BRF1: variants seen among roughly 807,000 people sequenced by gnomAD.
The protein encoded by BRF1 is transcription factor IIIB 90 kDa subunit.
BRF1 carries 59 observed loss-of-function variants against 81.7 expected under a neutral mutation model. The observed-to-expected ratio is 0.72, with a 90% CI of 0.59 to 0.90. The LOEUF (loss-of-function observed/expected upper bound fraction) is 0.90, where lower values mean the gene tolerates loss of function less well. BRF1 is among the 40% of genes least tolerant of loss of function. BRF1 has a pLI of 0.00. For synonymous variants in BRF1, 491 were observed against 395.6 expected (o/e 1.24, Z -2.86); for missense variants, 1,050 against 936.3 (o/e 1.12, Z -1.58).
chr14:105,254,408 C>G (rs2055765500), intron 4 of BRF1, among the ~76,000 whole-genome samples: 1 of 152,092 alleles, frequency 6.6e-6, no homozygotes, highest in Non-Finnish European at 1.5e-5. Flanking sequence ...AGGCGCCCAC[C>G]ACCACGCCCA....
chr14:105,274,823 GC>G (rs2140419148), intron 2 of BRF1, among the ~76,000 whole-genome samples: 1 of 152,296 alleles, frequency 6.6e-6, no homozygotes, highest in South Asian at 2.1e-4. Context: ...CAACTTTACT[GC>G]CCCCACTTCT....
In BRF1 at chr14:105,271,918, G is replaced by A. The variant is rs1316429040; in HGVS notation, c.439+803C>T. ...ACCGCTGAGGGTCGGCGGCCTCCCC[G>A]CCCACCGCCTGCAGTCACGGTGTCC... is the stretch of plus-strand genomic sequence containing the variant. On this transcript the variant is annotated intron_variant, in intron 3 of 17. Coordinates refer to ENST00000547530, the MANE Select transcript of BRF1 (RefSeq NM_001519.4). This position sits in a 1 kb window ranked among gnomAD's most constrained non-coding sequence, Gnocchi z 5.5. Among the ~76,000 whole-genome samples, 2,014 of 20,188 alleles carry A rather than the reference G, an allele frequency of 0.1. 99 individuals are homozygous for A. Among genetic ancestry groups the A allele is most frequent in the Middle Eastern group, 0.23 (6 of 26 alleles). 13.2% of individuals were successfully genotyped at this position (20,188 alleles called of 152,430 possible).
chr14:105,296,949 G>C (rs907872417), intron 1 of BRF1, among the ~76,000 whole-genome samples: 1 of 152,096 alleles, frequency 6.6e-6, no homozygotes, highest in Non-Finnish European at 1.5e-5. Context: ...CTTGAGGTCA[G>C]GAGTTCGAGA....
At chr14:105,295,377 G>A (rs1373629041) in intron 1 of BRF1, among the ~76,000 whole-genome samples, 3 of 151,652 alleles carry the variant, frequency 2.0e-5, no homozygotes, top group East Asian at 1.9e-4. Flanking sequence ...AGGCCAAGAC[G>A]GGAGAATTAC....
At chr14:105,247,558 AGG>A in intron 5 of BRF1, 4 of 985,398 alleles carry the variant, frequency 4.1e-6, no homozygotes, top group Non-Finnish European at 4.8e-6. Flanking sequence ...GGACTCTCCC[AGG>A]GAACATTCAC....
intron 1 of BRF1, among the ~76,000 whole-genome samples, chr14:105,287,303 T>G (rs1371042101): frequency 6.6e-6 from 1 of 152,188 alleles, no homozygotes; most frequent in African/African-American, 2.4e-5. Flanking sequence ...ATGGTGGACA[T>G]GTGGATTGTT....
intron 3 of BRF1, among the ~76,000 whole-genome samples, chr14:105,270,925 G>A (rs1595435982): frequency 1.3e-5 from 2 of 152,088 alleles, no homozygotes; most frequent in East Asian, 3.9e-4. Context: ...AGAGAAGCAG[G>A]CCACCAGGAT....
In BRF1 at chr14:105,245,360, C is replaced by CA. The variant is rs201030842; in HGVS notation, c.545-3947dup. Among the ~76,000 whole-genome samples the CA allele has an allele frequency of 8.8e-3, 1,312 of 149,260 alleles. 19 individuals are homozygous for CA. Among genetic ancestry groups the CA allele is most frequent in the South Asian group, 0.051 (241 of 4,762 alleles). On this transcript the variant is annotated intron_variant, in intron 5 of 17. Coordinates refer to ENST00000547530, the MANE Select transcript of BRF1 (RefSeq NM_001519.4). ...TGAGTGACAGAGCAAGACTCCATCT[C>CA]AAAAAAAATAAATAAATAAATAAAG...
chr14:105,314,797 C>T, intron 1 of BRF1: 1 of 236,052 alleles, frequency 4.2e-6, no homozygotes, highest in Non-Finnish European at 6.7e-6. Flanking sequence ...CCCGGCCCGT[C>T]CCCTCCGCCG....
At position 105,209,816 on chromosome 14, in the gene BRF1, T is replaced by A; in HGVS notation, c.*735A>T. On this transcript the variant is annotated 3_prime_UTR_variant, in exon 18 of 18. Transcript: ENST00000547530. Reference sequence around the variant, plus strand: ...TCAGCTGTCGGGCACTCAGTTCACCTGCCGGCAGCCGCAGGGCTCCTGGGC... The same window carrying A: ...TCAGCTGTCGGGCACTCAGTTCACCAGCCGGCAGCCGCAGGGCTCCTGGGC... 1 of 509,792 alleles carries A rather than the reference T, an allele frequency of 2.0e-6. No homozygotes were observed. 31.6% of individuals were successfully genotyped at this position (509,792 alleles called of 1,614,324 possible). A position where few individuals can be genotyped will look rare whatever the true frequency, so the allele number is the denominator to read the frequency against.
chr14:105,245,248 C>G (rs909410244), intron 5 of BRF1, among the ~76,000 whole-genome samples: 15 of 152,116 alleles, frequency 9.9e-5, no homozygotes, highest in Non-Finnish European at 5.9e-5. Context: ...GTAATCCCAG[C>G]TACTCAGGAG....
At chr14:105,287,998 C>T (rs898767616) in intron 1 of BRF1, among the ~76,000 whole-genome samples, 2 of 152,110 alleles carry the variant, frequency 1.3e-5, no homozygotes, top group Admixed American at 6.5e-5. Flanking sequence ...CAGGGGTGGC[C>T]GGCAGCAGCA....
intron 6 of BRF1, among the ~76,000 whole-genome samples, chr14:105,229,289 C>G (rs1056698120): frequency 6.6e-6 from 1 of 152,218 alleles, no homozygotes; most frequent in African/African-American, 2.4e-5. Context: ...GGGGCGAGGC[C>G]ACAGCTGGCA....
intron 8 of BRF1, 139 bp downstream of exon 8, chr14:105,226,495 G>C: frequency 4.0e-6 from 6 of 1,504,948 alleles, no homozygotes; most frequent in Non-Finnish European, 5.4e-6. Context: ...GGAGCCTCGG[G>C]CTCTGGCTGG....
chr14:105,296,702 A>C (rs587732760), intron 1 of BRF1, among the ~76,000 whole-genome samples: 4 of 152,016 alleles, frequency 2.6e-5, no homozygotes, highest in South Asian at 2.1e-4. Context: ...AAAAAAAAAA[A>C]AAAACCTCTT....
At chr14:105,308,522 G>A (rs1238217190) in intron 1 of BRF1, among the ~76,000 whole-genome samples, 8 of 141,736 alleles carry the variant, frequency 5.6e-5, no homozygotes, top group African/African-American at 1.9e-4. Flanking sequence ...TTGCTCTGTC[G>A]TCCGGGCTGG....
At chr14:105,299,727 C>T (rs587745442) in intron 1 of BRF1, among the ~76,000 whole-genome samples, 5 of 152,174 alleles carry the variant, frequency 3.3e-5, no homozygotes, top group Non-Finnish European at 7.3e-5. Flanking sequence ...TTAGAACAAC[C>T]GAAATAAAAA....
chr14:105,315,151 C>T lies in BRF1; in HGVS notation c.-162+171G>A. 5 of 546,482 alleles carry T rather than the reference C, an allele frequency of 9.1e-6. No homozygotes were observed. The highest frequency in any genetic ancestry group is 1.2e-5 in the Non-Finnish European group (5 of 420,560). The allele number at this position is 546,482 out of a possible 1,614,324, so 33.9% of individuals were successfully genotyped here. The stretch of plus-strand genomic sequence containing the variant: ...GGTCCCCCAGCGGAGCCCAGGTCGC[C>T]CCCCGCGCCCCCGCCCGCCGGTTCG... On this transcript the variant is annotated intron_variant, in intron 1 of 17. Coordinates refer to the BRF1 transcript ENST00000327359. The surrounding 1 kb of genome is among the most constrained non-coding windows in gnomAD (Gnocchi z 4.4).
intron 15 of BRF1, among the ~76,000 whole-genome samples, chr14:105,214,575 TG>T (rs587626059): frequency 1.6e-4 from 23 of 147,356 alleles, no homozygotes; most frequent in African/African-American, 5.6e-4. Context: ...GTTCTGCAGT[TG>T]TCTGTCATCA....
Sources: allele counts gnomAD v4.1 joint callset (sites outside exome capture counted in the v4.1 genomes callset), GRCh38; gene constraint gnomAD v4.1.1; non-coding constraint Gnocchi (gnomAD v3.1); transcripts MANE v1.5; gene names NCBI Gene and HGNC (gene_info 2026-07-23, HGNC 2026-07-21).